Variants in IL1RAPL1 observed in about 807,000 individuals in gnomAD.
IL1RAPL1 encodes interleukin 1 receptor accessory protein like 1, also known as interleukin-1 receptor accessory protein-like 1.
In IL1RAPL1, 3 loss-of-function variants were observed where a neutral mutation model predicts 48.4. The ratio of observed to expected loss-of-function variants is 0.06; its 90% CI spans 0.03 to 0.16. The LOEUF is 0.16. Among genes scored for constraint, IL1RAPL1 ranks in the 10% least tolerant of loss-of-function variants. IL1RAPL1 has a pLI of 1.00. For missense variants in IL1RAPL1, 349 were observed against 530.6 expected (o/e 0.66, Z 3.36); for synonymous variants, 185 against 187.7 (o/e 0.99, Z 0.12).
chrX:29,157,245 C>T (rs1319879315), intron 2 of IL1RAPL1, among the ~76,000 whole-genome samples: 1 of 111,347 alleles, frequency 9.0e-6, no homozygotes, highest in Non-Finnish European at 1.9e-5. Context: ...TGGCTGATGG[C>T]ACAACCTCAA....
chrX:29,363,137 G>T (rs1282949110), intron 3 of IL1RAPL1, among the ~76,000 whole-genome samples: 8 of 111,382 alleles, frequency 7.2e-5, no homozygotes, highest in South Asian at 3.8e-4. Context: ...TTCCCCTAAG[G>T]TCCCTGAAAA....
At chrX:29,230,504 CAAAAA>C (rs60539139) in intron 2 of IL1RAPL1, among the ~76,000 whole-genome samples, 6 of 16,591 alleles carry the variant, frequency 3.6e-4, no homozygotes, top group African/African-American at 5.7e-4. Context: ...GTCCCTTTAC[CAAAAA>C]AAAAAAAAAA....
intron 2 of IL1RAPL1, among the ~76,000 whole-genome samples, chrX:28,791,381 T>C (rs1399985179): frequency 8.9e-6 from 1 of 112,022 alleles, no homozygotes; most frequent in East Asian, 2.8e-4. Flanking sequence ...TGTAAATTCC[T>C]ATTCTAGAAA....
intron 2 of IL1RAPL1, among the ~76,000 whole-genome samples, chrX:29,240,202 AT>A: frequency 7.0e-5 from 1 of 14,380 alleles, no homozygotes; most frequent in South Asian, 2.7e-3. Context: ...ACACATATAT[AT>A]ATATATATAT....
At chrX:29,756,434 C>T (rs565191549) in intron 6 of IL1RAPL1, among the ~76,000 whole-genome samples, 176 of 110,338 alleles carry the variant, frequency 1.6e-3, no homozygotes, top group African/African-American at 5.0e-3. Context: ...TTTTTTGAGA[C>T]GGAGTTTCAC....
At chrX:29,359,875 A>G (rs1356669417) in intron 3 of IL1RAPL1, among the ~76,000 whole-genome samples, 3 of 110,886 alleles carry the variant, frequency 2.7e-5, no homozygotes, top group Non-Finnish European at 5.7e-5. Context: ...ATACTTTGTA[A>G]CCCCTGGGTT....
At chrX:29,526,078 G>GA (rs1446598298) in intron 5 of IL1RAPL1, among the ~76,000 whole-genome samples, 1 of 111,857 alleles carries the variant, frequency 8.9e-6, no homozygotes, top group Non-Finnish European at 1.9e-5. Flanking sequence ...GGAGGTAAAA[G>GA]AAAAGAAGAT....
chrX:29,511,552 C>T (rs780131281), intron 5 of IL1RAPL1, among the ~76,000 whole-genome samples: 1 of 111,721 alleles, frequency 9.0e-6, no homozygotes, highest in African/African-American at 3.2e-5. Context: ...TTTATTTTTA[C>T]CCCAAGCCAT....
At chrX:29,675,984 A>G (rs948415135) in intron 6 of IL1RAPL1, among the ~76,000 whole-genome samples, 6 of 112,351 alleles carry the variant, frequency 5.3e-5, no homozygotes, top group Admixed American at 1.9e-4. Context: ...TGCCATTATC[A>G]TCATCCTCAT....
intron 1 of IL1RAPL1, among the ~76,000 whole-genome samples, chrX:28,768,338 C>G (rs1189330742): frequency 9.1e-6 from 1 of 110,488 alleles, no homozygotes; most frequent in East Asian, 2.8e-4. Context: ...AGAATTGGCT[C>G]TCTTTCCAAG....
chrX:29,434,785 G>T (rs1911358961), intron 5 of IL1RAPL1, among the ~76,000 whole-genome samples: 1 of 110,288 alleles, frequency 9.1e-6, no homozygotes, highest in Admixed American at 9.7e-5. Flanking sequence ...TTATAGTTTA[G>T]GTTCACAAAA....
intron 2 of IL1RAPL1, among the ~76,000 whole-genome samples, chrX:28,802,625 C>T (rs753965180): frequency 8.9e-6 from 1 of 111,878 alleles, no homozygotes; most frequent in South Asian, 3.7e-4. Flanking sequence ...ATTTTGTATT[C>T]CAAATATTAT....
intron 2 of IL1RAPL1, among the ~76,000 whole-genome samples, chrX:29,031,993 C>G (rs562347789): frequency 9.0e-6 from 1 of 111,429 alleles, no homozygotes; most frequent in South Asian, 3.8e-4. Context: ...ACCTACGTAC[C>G]CACCTACCTA....
At chrX:29,858,795 C>G (rs1375208371) in intron 6 of IL1RAPL1, among the ~76,000 whole-genome samples, 1 of 110,586 alleles carries the variant, frequency 9.0e-6, no homozygotes, top group African/African-American at 3.3e-5. Flanking sequence ...ATTTTGTTCC[C>G]TAGGCTCTTT....
In IL1RAPL1 at chrX:29,089,749, AATATAT is replaced by A. The variant is rs1159198583; in HGVS notation, c.83-193156_83-193151del. ...TTCTACATGAAAGCAGAGAAATATG[AATATAT>A]ATATATATATATATATATATATATA... On this transcript the variant is annotated intron_variant, in intron 2 of 10. Coordinates refer to ENST00000378993, the MANE Select transcript of IL1RAPL1 (RefSeq NM_014271.4). Among the ~76,000 whole-genome samples, 89 of 16,975 alleles carry A rather than the reference AATATAT, an allele frequency of 5.2e-3. No individual in the cohort carries two copies. In the South Asian group the frequency reaches 0.08, roughly 15 times the overall value. 14.7% of individuals were successfully genotyped at this position (16,975 alleles called of 115,157 possible). A position where few individuals can be genotyped will look rare whatever the true frequency, so the allele number is the denominator to read the frequency against.
chrX:28,643,797 C>T (rs778971443), intron 1 of IL1RAPL1, among the ~76,000 whole-genome samples: 1 of 112,079 alleles, frequency 8.9e-6, no homozygotes, highest in Admixed American at 9.5e-5. Flanking sequence ...CATCTGCCTG[C>T]TTTCCCTTCC....
chrX:29,731,238 A>G (rs1308982465), intron 6 of IL1RAPL1, among the ~76,000 whole-genome samples: 2 of 112,224 alleles, frequency 1.8e-5, no homozygotes, highest in African/African-American at 6.5e-5. Flanking sequence ...CTTTCCATCT[A>G]GTCTCACCAG....
intron 6 of IL1RAPL1, among the ~76,000 whole-genome samples, chrX:29,730,114 C>T (rs1256671859): frequency 8.9e-6 from 1 of 111,889 alleles, no homozygotes; most frequent in East Asian, 2.8e-4. Context: ...TGGGATTTGG[C>T]TAGCTGGCAG....
intron 5 of IL1RAPL1, among the ~76,000 whole-genome samples, chrX:29,507,766 A>G (rs1353991055): frequency 9.0e-6 from 1 of 111,177 alleles, no homozygotes; most frequent in African/African-American, 3.3e-5. Context: ...GTTTCTAAAT[A>G]TGGCATTTTA....
Sources: allele counts gnomAD v4.1 joint callset (sites outside exome capture counted in the v4.1 genomes callset), GRCh38; gene constraint gnomAD v4.1.1; transcripts MANE v1.5; gene names NCBI Gene and HGNC (gene_info 2026-07-23, HGNC 2026-07-21).